Variants in UBE3A observed in about 807,000 individuals in gnomAD.
UBE3A encodes ubiquitin protein ligase E3A.
In UBE3A, 6 loss-of-function variants were observed where a neutral mutation model predicts 83.4. The ratio of observed to expected loss-of-function variants is 0.07; its 90% CI spans 0.04 to 0.14. The LOEUF (loss-of-function observed/expected upper bound fraction) is 0.14, where lower values mean the gene tolerates loss of function less well. Among genes scored for constraint, UBE3A ranks in the 10% least tolerant of loss-of-function variants. The pLI is 1.00. For synonymous variants in UBE3A, 337 were observed against 355.4 expected (o/e 0.95, Z 0.58); for missense variants, 456 against 1,036.1 (o/e 0.44, Z 7.69).
chr15:25,350,408 A>ATT (rs1334793342), intron 11 of UBE3A, among the ~76,000 whole-genome samples: 2 of 152,120 alleles, frequency 1.3e-5, no homozygotes, highest in Non-Finnish European at 1.5e-5. Context: ...TCTACTTAAT[A>ATT]AATATTTTTG....
rs758685056 is a variant in UBE3A, at chr15:25,370,876, G to T, written c.1298C>A (p.Thr433Asn). The change falls in exon 6 of 13, where the codon ACC becomes AAC. Residue 433 changes from threonine (T) to asparagine (N), a missense_variant. Around this residue, in one of 13 missense-constraint regions of UBE3A, gnomAD observed 85 missense variants for 137.0 expected, o/e 0.62. Transcript: ENST00000648336. This position sits in a 1 kb window ranked among gnomAD's most constrained non-coding sequence, Gnocchi z 4.2. ...DPLETELGVKTLDCRKPLIPF... is the reference protein window; with the variant it reads ...DPLETELGVKNLDCRKPLIPF... The stretch of plus-strand genomic sequence containing the variant: ...GATAAGTGGTTTTCGACAATCCAGG[G>T]TTTTAACACCAAGTTCAGTTTCCAG... 1 of 1,613,992 alleles carries T rather than the reference G, an allele frequency of 6.2e-7. No individual in the cohort carries two copies. Among genetic ancestry groups the T allele is most frequent in the South Asian group, 1.1e-5 (1 of 91,076 alleles).
rs2074047827 is a variant in UBE3A at position 25,337,588 on chromosome 15, C to A, written c.*1549G>T. On this transcript the variant is annotated 3_prime_UTR_variant, in exon 13 of 13. Coordinates refer to ENST00000648336, the MANE Select transcript of UBE3A (RefSeq NM_130839.5). ...AATTAAAATAATCCTGAAAGACATC[C>A]TTTTTCTCCCCCCAATGATTTGAAA... The A allele has an allele frequency of 6.6e-6, 1 of 152,070 alleles. No individual in the cohort carries two copies. The highest frequency in any genetic ancestry group is 2.1e-4 in the South Asian group (1 of 4,820). The allele number at this position is 152,070 out of a possible 1,614,324, so 9.4% of individuals were successfully genotyped here.
rs1384933260 is a variant in UBE3A at position 25,337,582 on chromosome 15, G to A, written c.*1555C>T. 6.6e-6 allele frequency: 1 copy of A among 151,956 alleles called. No individual in the cohort carries two copies. Among genetic ancestry groups the A allele is most frequent in the East Asian group, 1.9e-4 (1 of 5,180 alleles). The allele number at this position is 151,956 out of a possible 1,614,324, so 9.4% of individuals were successfully genotyped here. On this transcript the variant is annotated 3_prime_UTR_variant, in exon 13 of 13. Coordinates refer to ENST00000648336, the MANE Select transcript of UBE3A (RefSeq NM_130839.5). ...AAAATTAATTAAAATAATCCTGAAA[G>A]ACATCCTTTTTCTCCCCCCAATGAT...
intron 6 of UBE3A, among the ~76,000 whole-genome samples, chr15:25,363,722 T>C (rs1421990314): frequency 6.6e-6 from 1 of 152,166 alleles, no homozygotes; most frequent in African/African-American, 2.4e-5. Context: ...TCCATATTTT[T>C]CCATTTTTTA....
chr15:25,399,646 G>C (rs545598478), intron 4 of UBE3A, among the ~76,000 whole-genome samples: 59 of 152,096 alleles, frequency 3.9e-4, no homozygotes, highest in Non-Finnish European at 7.2e-4. Flanking sequence ...ACAGTTCACT[G>C]CCACCTTAAG....
At chr15:25,398,796 TATATATATATATATATATAAAA>T (rs1210532358) in intron 4 of UBE3A, among the ~76,000 whole-genome samples, 19 of 72,146 alleles carry the variant, frequency 2.6e-4, no homozygotes, top group East Asian at 1.4e-3. Flanking sequence ...TATATATATA[TATATATATATATATATATAAAA>T]ATACATATAT....
At chr15:25,344,780 A>C (rs1321203695) in intron 11 of UBE3A, among the ~76,000 whole-genome samples, 2 of 152,164 alleles carry the variant, frequency 1.3e-5, no homozygotes, top group African/African-American at 4.8e-5. Flanking sequence ...ATGAGAAAAA[A>C]GAATGCCAGG....
chr15:25,426,607 A>G (rs1414184953), intron 1 of UBE3A, among the ~76,000 whole-genome samples: 3 of 152,218 alleles, frequency 2.0e-5, no homozygotes, highest in Non-Finnish European at 4.4e-5. Context: ...TAAACGCATA[A>G]AACAAAATTT....
chr15:25,421,755 A>G (rs577006098), intron 1 of UBE3A, among the ~76,000 whole-genome samples: 2 of 152,316 alleles, frequency 1.3e-5, no homozygotes, highest in South Asian at 4.1e-4. Context: ...AAAACACTGC[A>G]ATGGGATACC....
intron 2 of UBE3A, among the ~76,000 whole-genome samples, chr15:25,410,495 T>C (rs563021053): frequency 2.0e-4 from 31 of 152,304 alleles, no homozygotes; most frequent in Admixed American, 7.2e-4. Flanking sequence ...TACGGAAAGA[T>C]GAGGAAATTA....
In UBE3A at chr15:25,341,727, C is replaced by A. The variant is rs375857309; in HGVS notation, c.2355-1499G>T. ...GCAATGAGCTGAGATCACACCATTG[C>A]ACTCTAGCCTGGGAAACATTTTGAG... is the stretch of plus-strand genomic sequence containing the variant. On this transcript the variant is annotated intron_variant, in intron 11 of 12. Coordinates refer to ENST00000648336, the MANE Select transcript of UBE3A (RefSeq NM_130839.5). 8.7e-5 allele frequency among the ~76,000 whole-genome samples: 12 copies of A among 137,994 alleles called. No homozygotes were observed. The East Asian group carries it at 2.7e-3, about 30-fold the overall frequency. The allele number at this position is 137,994 out of a possible 152,430, so 90.5% of individuals were successfully genotyped here. A position where few individuals can be genotyped will look rare whatever the true frequency, so the allele number is the denominator to read the frequency against.
In UBE3A at chr15:25,412,607, A is replaced by C. The variant is rs1280944042; in HGVS notation, c.-164-636T>G. On this transcript the variant is annotated intron_variant, in intron 1 of 12. Coordinates refer to ENST00000648336, the MANE Select transcript of UBE3A (RefSeq NM_130839.5). Reference sequence around the variant, plus strand: ...ATCCTGAAGCTTAAAGCAAGCCCCTAAATTATCACTGTAAATTCTTAACTT... The same window carrying C: ...ATCCTGAAGCTTAAAGCAAGCCCCTCAATTATCACTGTAAATTCTTAACTT... 3.9e-5 allele frequency among the ~76,000 whole-genome samples: 6 copies of C among 152,342 alleles called. No homozygotes were observed. The East Asian group carries it at 1.2e-3, about 29-fold the overall frequency.
chr15:25,384,711 C>A (rs1208835861), intron 4 of UBE3A, among the ~76,000 whole-genome samples: 2 of 151,876 alleles, frequency 1.3e-5, no homozygotes, highest in Admixed American at 6.6e-5. Context: ...ATAGCCGTAA[C>A]AATCTGGACA....
chr15:25,354,819 C>A (rs1342200934), intron 9 of UBE3A, 136 bp from the exon 10 acceptor site: 2 of 810,016 alleles, frequency 2.5e-6, no homozygotes, highest in Non-Finnish European at 3.8e-6. Flanking sequence ...AATTTTACAC[C>A]TACTTCTTAA....
intron 4 of UBE3A, among the ~76,000 whole-genome samples, chr15:25,397,843 C>T (rs2085937002): frequency 6.6e-6 from 1 of 152,118 alleles, no homozygotes; most frequent in African/African-American, 2.4e-5. Context: ...GTACATGGTT[C>T]TATCCCAATA....
chr15:25,353,972 TGC>T (rs1453639317), intron 11 of UBE3A: 1 of 259,118 alleles, frequency 3.9e-6, no homozygotes, highest in Non-Finnish European at 7.5e-6. Context: ...ACTCAAAAAG[TGC>T]TTGATCCTGG....
In UBE3A at chr15:25,354,512, A is replaced by T. The variant is rs546476465; in HGVS notation, c.2280+16T>A. ...TAAATCGATACATGACTTTTTGCAG[A>T]CACCTGCTTTCTTACCCGGCTTCCA... On this transcript the variant is annotated intron_variant, in intron 10 of 12. Transcript: ENST00000648336. The T allele has an allele frequency of 1.2e-6, 2 of 1,613,930 alleles. No individual in the cohort carries two copies. The highest frequency in any genetic ancestry group is 2.2e-5 in the South Asian group (2 of 91,078).
At chr15:25,343,116 G>A (rs1261179879) in intron 11 of UBE3A, among the ~76,000 whole-genome samples, 1 of 152,066 alleles carries the variant, frequency 6.6e-6, no homozygotes, top group Non-Finnish European at 1.5e-5. Context: ...GACCCCTAAA[G>A]CCACACAATT....
intron 11 of UBE3A, among the ~76,000 whole-genome samples, chr15:25,340,969 T>G (rs974081180): frequency 6.6e-6 from 1 of 152,218 alleles, no homozygotes; most frequent in South Asian, 2.1e-4. Context: ...TATGTTAGTT[T>G]GAGTTCTAAA....
Sources: gnomAD v4.1 joint callset for allele counts (sites outside exome capture counted in the v4.1 genomes callset) on GRCh38, gnomAD v4.1.1 for gene constraint, gnomAD v4.1.1 regional missense constraint, Gnocchi (gnomAD v3.1) non-coding constraint, MANE v1.5 for transcripts, NCBI Gene and HGNC (gene_info 2026-07-23, HGNC 2026-07-21) for gene names.